The following SLC10A7 variants were observed in gnomAD, a reference collection of about 807,000 sequenced individuals.
The protein encoded by SLC10A7 is sodium/bile acid cotransporter 7.
SLC10A7 carries 29 observed loss-of-function variants against 43.2 expected under a neutral mutation model. The observed-to-expected ratio is 0.67, with a 90% CI of 0.50 to 0.92. SLC10A7 has a LOEUF of 0.92. Among genes scored for constraint, SLC10A7 ranks in the 40% least tolerant of loss-of-function variants. SLC10A7 has a pLI of 0.00. For synonymous variants in SLC10A7, 152 were observed against 144.8 expected (o/e 1.05, Z -0.35); for missense variants, 295 against 403.2 (o/e 0.73, Z 2.30).
At chr4:146,407,894 G>A (rs1727850054) in intron 5 of SLC10A7, among the ~76,000 whole-genome samples, 1 of 152,144 alleles carries the variant, frequency 6.6e-6, no homozygotes, top group African/African-American at 2.4e-5. Flanking sequence ...TAGATTAGCA[G>A]AAGCATTCTG....
intron 9 of SLC10A7, among the ~76,000 whole-genome samples, chr4:146,285,966 G>A (rs1729886314): frequency 6.7e-6 from 1 of 149,904 alleles, no homozygotes; most frequent in Admixed American, 6.7e-5. Flanking sequence ...GAAGGACTGA[G>A]TTTGGAGTGG....
chr4:146,486,957 T>C (rs1734973300), intron 4 of SLC10A7, among the ~76,000 whole-genome samples: 1 of 152,216 alleles, frequency 6.6e-6, no homozygotes, highest in Non-Finnish European at 1.5e-5. Flanking sequence ...CAACTCACCA[T>C]AAGGAAGCAA....
chr4:146,441,453 A>G (rs1730594783), intron 5 of SLC10A7, among the ~76,000 whole-genome samples: 2 of 152,218 alleles, frequency 1.3e-5, no homozygotes, highest in African/African-American at 4.8e-5. Flanking sequence ...AAGTCTAGAC[A>G]TCCGAAAGAA....
chr4:146,395,221 A>C (rs1738734553), intron 5 of SLC10A7, among the ~76,000 whole-genome samples: 2 of 152,140 alleles, frequency 1.3e-5, no homozygotes, highest in South Asian at 4.1e-4. Flanking sequence ...AAAGAAAAAA[A>C]AAATTTAACT....
chr4:146,450,603 A>C (rs1731496496), intron 4 of SLC10A7, among the ~76,000 whole-genome samples: 1 of 152,218 alleles, frequency 6.6e-6, no homozygotes, highest in East Asian at 1.9e-4. Flanking sequence ...AGACATCTGC[A>C]GAAAGCAGAG....
At chr4:146,356,279 T>C (rs144504089) in intron 5 of SLC10A7, among the ~76,000 whole-genome samples, 7 of 152,178 alleles carry the variant, frequency 4.6e-5, no homozygotes, top group African/African-American at 1.7e-4. Flanking sequence ...AAAATTTCAG[T>C]TTCCTGTTTA....
At chr4:146,256,837 A>T (rs771870305) in intron 11 of SLC10A7, 5 of 1,534,076 alleles carry the variant, frequency 3.3e-6, no homozygotes, top group Non-Finnish European at 4.4e-6. Flanking sequence ...TGGAGGATGG[A>T]CTCTTGGTAT....
At chr4:146,452,546 A>C (rs943648347) in intron 4 of SLC10A7, among the ~76,000 whole-genome samples, 1 of 152,110 alleles carries the variant, frequency 6.6e-6, no homozygotes, top group African/African-American at 2.4e-5. Context: ...GCTTCTTTCA[A>C]AGCCAATTAT....
At chr4:146,413,475 G>T (rs1728343801) in intron 5 of SLC10A7, among the ~76,000 whole-genome samples, 2 of 152,072 alleles carry the variant, frequency 1.3e-5, no homozygotes, top group Non-Finnish European at 2.9e-5. Flanking sequence ...TAATCATTTT[G>T]TTGTCTCCTT....
At chr4:146,453,023 A>ATGTG (rs530906659) in intron 4 of SLC10A7, among the ~76,000 whole-genome samples, 49 of 111,404 alleles carry the variant, frequency 4.4e-4, no homozygotes, top group South Asian at 5.9e-4. Context: ...GATATATACA[A>ATGTG]TGTGTGTGTG....
intron 5 of SLC10A7, among the ~76,000 whole-genome samples, chr4:146,386,231 T>C (rs1425557117): frequency 1.3e-5 from 2 of 152,226 alleles, no homozygotes; most frequent in African/African-American, 2.4e-5. Flanking sequence ...CTCTGCAGCA[T>C]TGCCAGCATC....
chr4:146,276,775 C>T (rs80310830), intron 10 of SLC10A7, among the ~76,000 whole-genome samples: 9,598 of 151,882 alleles, frequency 0.063, 422 homozygotes, highest in South Asian at 0.2. Context: ...CATAACGAAG[C>T]CCCCGTCTCT....
At chr4:146,448,547 T>C (rs1731312862) in intron 4 of SLC10A7, among the ~76,000 whole-genome samples, 1 of 152,118 alleles carries the variant, frequency 6.6e-6, no homozygotes, top group Non-Finnish European at 1.5e-5. Context: ...TCTTTTTCCT[T>C]CCCTTATGAG....
chr4:146,511,947 C>T (rs1159491963), intron 2 of SLC10A7, among the ~76,000 whole-genome samples: 1 of 149,058 alleles, frequency 6.7e-6, no homozygotes, highest in African/African-American at 2.5e-5. Context: ...AGCCAGAATA[C>T]ACTAAGGCAT....
At position 146,466,978 on chromosome 4, in the gene SLC10A7, A is replaced by C. The variant is rs976442743; in HGVS notation, c.397-24157T>G. Reference sequence around the variant, plus strand: ...AGGCTGTTGGGATTGTCATGGCCCCAAAAAACAACTTCATCTCTGGTAGTA... The same window carrying C: ...AGGCTGTTGGGATTGTCATGGCCCCCAAAAACAACTTCATCTCTGGTAGTA... On this transcript the variant is annotated intron_variant, in intron 4 of 11. Transcript: ENST00000335472. 2.8e-4 allele frequency among the ~76,000 whole-genome samples: 43 copies of C among 152,136 alleles called. 2 individuals carry two copies. Among genetic ancestry groups the C allele is most frequent in the Admixed American group, 2.1e-3 (32 of 15,268 alleles).
At chr4:146,489,108 A>C (rs1349074249) in intron 4 of SLC10A7, among the ~76,000 whole-genome samples, 2 of 152,230 alleles carry the variant, frequency 1.3e-5, no homozygotes, top group African/African-American at 2.4e-5. Context: ...ACAGGGCTGT[A>C]GTACAGAAAT....
At chr4:146,470,375 C>T (rs13134849) in intron 4 of SLC10A7, among the ~76,000 whole-genome samples, 120,491 of 150,952 alleles carry the variant, frequency 0.8, 48,523 homozygotes, top group East Asian at 0.96. Flanking sequence ...AATGTACATA[C>T]GTATATATAC....
chr4:146,287,183 G>T (rs1016379898), intron 9 of SLC10A7, among the ~76,000 whole-genome samples: 4 of 152,116 alleles, frequency 2.6e-5, no homozygotes, highest in East Asian at 1.9e-4. Context: ...ACTGTGTCTG[G>T]AGTGGTGAGA....
At chr4:146,306,917 C>T (rs1210440075) in intron 6 of SLC10A7, among the ~76,000 whole-genome samples, 1 of 152,154 alleles carries the variant, frequency 6.6e-6, no homozygotes. Context: ...CCCCTGCAGA[C>T]CAAACCTCAG....
Sources: allele counts gnomAD v4.1 joint callset (sites outside exome capture counted in the v4.1 genomes callset), GRCh38; gene constraint gnomAD v4.1.1; transcripts MANE v1.5; gene names NCBI Gene and HGNC (gene_info 2026-07-23, HGNC 2026-07-21).